The following CORO2A variants were observed in gnomAD, a reference collection of about 807,000 sequenced individuals.
CORO2A encodes coronin 2A.
Under a neutral mutation model 62.4 loss-of-function variants are expected in CORO2A, and 47 were observed. The observed-to-expected ratio is 0.75, with a 90% CI of 0.60 to 0.96. The LOEUF (loss-of-function observed/expected upper bound fraction) is 0.96, where lower values mean the gene tolerates loss of function less well. Ranked by LOEUF, CORO2A falls within the 40% of genes least tolerant of loss-of-function variation. CORO2A has a pLI of 0.00. For missense variants in CORO2A, 610 were observed against 684.1 expected (o/e 0.89, Z 1.21); for synonymous variants, 273 against 268.9 (o/e 1.02, Z -0.15).
At chr9:98,158,266 T>G (rs947604442) in intron 1 of CORO2A, among the ~76,000 whole-genome samples, 4 of 147,626 alleles carry the variant, frequency 2.7e-5, no homozygotes, top group Admixed American at 6.7e-5. Context: ...GGCAACACAG[T>G]GAGACCCTGT....
intron 7 of CORO2A, 54 bp downstream of exon 7, chr9:98,130,901 T>C: frequency 6.9e-7 from 1 of 1,443,868 alleles, no homozygotes; most frequent in Non-Finnish European, 9.6e-7. Context: ...CAGGCTGCTG[T>C]CTGCCGCTGT....
At chr9:98,148,406 A>AAG (rs1827673935) in intron 2 of CORO2A, among the ~76,000 whole-genome samples, 1 of 150,288 alleles carries the variant, frequency 6.7e-6, no homozygotes, top group African/African-American at 2.4e-5. Context: ...AAAAAAAAAA[A>AAG]AAAATAAGAT....
chr9:98,157,320 A>T, intron 2 of CORO2A, 140 bp downstream of exon 2: 1 of 766,436 alleles, frequency 1.3e-6, no homozygotes. Context: ...ACCAAGGCTC[A>T]AAGAGATGAA....
At chr9:98,174,086 A>T (rs970431662) in intron 1 of CORO2A, among the ~76,000 whole-genome samples, 4 of 151,934 alleles carry the variant, frequency 2.6e-5, no homozygotes, top group Admixed American at 2.6e-4. Flanking sequence ...CAGCCTGGGC[A>T]ACGAGAGTGA....
chr9:98,181,565 C>T (rs1828178329), intron 1 of CORO2A, among the ~76,000 whole-genome samples: 1 of 152,040 alleles, frequency 6.6e-6, no homozygotes, highest in African/African-American at 2.4e-5. Context: ...GAGCAGACCC[C>T]TCGGCGGCCA....
chr9:98,130,267 C>T (rs1186317869), intron 7 of CORO2A, among the ~76,000 whole-genome samples: 6 of 151,956 alleles, frequency 3.9e-5, no homozygotes, highest in South Asian at 2.1e-4. Context: ...TTTTCATTTT[C>T]GTAGACATGG....
Position 98,134,946 on chromosome 9 carries a change from A to G in CORO2A, c.328T>C (p.Trp110Arg), listed in dbSNP as rs1268282111. ...GTCAGCAGCTGCTTGGGGATGCTCC[A>G]GATCTTAATCTGGCAGGGGAGACAG... Reference protein sequence around the residue: ...SCSEDATIKIWSIPKQLLTRN... With the variant: ...SCSEDATIKIRSIPKQLLTRN... Residue 110 changes from tryptophan to arginine, a missense_variant, in exon 4 of 12, where the codon TGG (tryptophan) becomes CGG (arginine). Physicochemically the swap from Trp to Arg is moderately radical, Grantham distance 101. Coordinates refer to ENST00000375077, the MANE Select transcript of CORO2A (RefSeq NM_052820.4). 1.9e-6 allele frequency: 3 copies of G among 1,613,944 alleles called. No individual in the cohort carries two copies. In the African/African-American group the frequency reaches 4.0e-5, roughly 22 times the overall value.
chr9:98,149,155 C>CTATT (rs1827690238), intron 2 of CORO2A, among the ~76,000 whole-genome samples: 2 of 152,276 alleles, frequency 1.3e-5, no homozygotes, highest in South Asian at 4.1e-4. Context: ...TTGCACTGTA[C>CTATT]TATTTCTTAT....
At chr9:98,139,556 G>A (rs1050908801) in intron 2 of CORO2A, among the ~76,000 whole-genome samples, 3 of 152,240 alleles carry the variant, frequency 2.0e-5, no homozygotes, top group Non-Finnish European at 4.4e-5. Context: ...GAACCCAGGA[G>A]GTGGAGGTTG....
intron 1 of CORO2A, among the ~76,000 whole-genome samples, chr9:98,160,703 C>T (rs1255227986): frequency 6.6e-6 from 1 of 152,154 alleles, no homozygotes; most frequent in Non-Finnish European, 1.5e-5. Flanking sequence ...CCTCCCTCAC[C>T]TTGAGCAACT....
chr9:98,155,799 T>C (rs1469503554), intron 2 of CORO2A, among the ~76,000 whole-genome samples: 1 of 152,212 alleles, frequency 6.6e-6, no homozygotes, highest in Non-Finnish European at 1.5e-5. Context: ...CAGTTGCTTG[T>C]ATTAGTTCTT....
chr9:98,178,250 T>C (rs1281145988), intron 1 of CORO2A, among the ~76,000 whole-genome samples: 1 of 152,288 alleles, frequency 6.6e-6, no homozygotes, highest in East Asian at 1.9e-4. Context: ...ATTTGCTATG[T>C]TGCCCAGGCT....
intron 2 of CORO2A, among the ~76,000 whole-genome samples, chr9:98,144,131 G>C (rs1827610676): frequency 6.6e-6 from 1 of 151,486 alleles, no homozygotes; most frequent in Non-Finnish European, 1.5e-5. Flanking sequence ...CCAGCCTACA[G>C]TGAGCCATGA....
intron 1 of CORO2A, among the ~76,000 whole-genome samples, chr9:98,185,914 GCA>G (rs1828233623): frequency 6.6e-6 from 1 of 152,200 alleles, no homozygotes; most frequent in South Asian, 2.1e-4. Context: ...AGAAATAAAT[GCA>G]CAGTCAGAGT....
chr9:98,122,809 G>A lies in CORO2A; in HGVS notation c.*1965C>T, dbSNP rs1827260428. On this transcript the variant is annotated 3_prime_UTR_variant, in exon 12 of 12. Coordinates refer to ENST00000375077, the MANE Select transcript of CORO2A (RefSeq NM_052820.4). ...CCTGCAGGAGGCAGGCTGTGTACCTGAGGGCCTTGGTGGTGGCAGTCAGCA... is the reference window on the plus strand; with the variant it reads ...CCTGCAGGAGGCAGGCTGTGTACCTAAGGGCCTTGGTGGTGGCAGTCAGCA... The A allele has an allele frequency of 6.6e-6, 1 of 152,328 alleles. No homozygotes were observed. Among genetic ancestry groups the A allele is most frequent in the Non-Finnish European group, 1.5e-5 (1 of 68,150 alleles). The allele number at this position is 152,328 out of a possible 1,614,324, so 9.4% of individuals were successfully genotyped here. A position where few individuals can be genotyped will look rare whatever the true frequency, so the allele number is the denominator to read the frequency against.
At position 98,161,795 on chromosome 9, in the gene CORO2A, A is replaced by C. The variant is rs191177044; in HGVS notation, c.1-4135T>G. 2.2e-4 allele frequency among the ~76,000 whole-genome samples: 34 copies of C among 152,204 alleles called. 1 individual carries two copies. In the East Asian group the frequency reaches 6.2e-3, roughly 28 times the overall value. ...TGAGTGCATGTGGCGGGCCTGGGGT[A>C]GTCGCTGAAATCGACATGAGCTTAC... is the stretch of plus-strand genomic sequence containing the variant. On this transcript the variant is annotated intron_variant, in intron 1 of 11. Coordinates refer to ENST00000375077, the MANE Select transcript of CORO2A (RefSeq NM_052820.4).
At chr9:98,161,819 A>ACATTAACAACAGCCCTGGCCCCTT (rs1827889837) in intron 1 of CORO2A, among the ~76,000 whole-genome samples, 2 of 152,086 alleles carry the variant, frequency 1.3e-5, no homozygotes, top group Non-Finnish European at 2.9e-5. Context: ...ACATGAGCTT[A>ACATTAACAACAGCCCTGGCCCCTT]CATTAACAAC....
At chr9:98,176,847 C>T (rs1564218127) in intron 1 of CORO2A, among the ~76,000 whole-genome samples, 1 of 152,150 alleles carries the variant, frequency 6.6e-6, no homozygotes. Flanking sequence ...AAAGGCCACC[C>T]ACACAGGGCA....
chr9:98,129,906 A>G lies in CORO2A; in HGVS notation c.871-16T>C. 4 of 1,596,724 alleles carry G rather than the reference A, an allele frequency of 2.5e-6. No individual in the cohort carries two copies. Among genetic ancestry groups the G allele is most frequent in the Non-Finnish European group, 3.4e-6 (4 of 1,164,828 alleles). ...TGCCATCTCCCTGAGGAGGAGGAGA[A>G]GGAAGAGGAGGGTGAGATTCAGAGC... On this transcript the variant is annotated splice_polypyrimidine_tract_variant and intron_variant, in intron 7 of 11. Transcript: ENST00000375077.
Sources: allele counts gnomAD v4.1 joint callset (sites outside exome capture counted in the v4.1 genomes callset), GRCh38; gene constraint gnomAD v4.1.1; transcripts MANE v1.5; gene names NCBI Gene and HGNC (gene_info 2026-07-23, HGNC 2026-07-21).